Variants in GPI observed in about 807,000 individuals in gnomAD.
GPI encodes glucose-6-phosphate isomerase.
In GPI, 56 loss-of-function variants were observed where a neutral mutation model predicts 75.8. That is an observed-to-expected ratio of 0.74 (90% CI 0.60 to 0.92). The LOEUF (loss-of-function observed/expected upper bound fraction) is 0.92, where lower values mean the gene tolerates loss of function less well. Ranked by LOEUF, GPI falls within the 40% of genes least tolerant of loss-of-function variation. The probability of loss-of-function intolerance (pLI) is 0.00; values close to 1 mark genes in which losing one functional copy is unlikely to be tolerated. For missense variants in GPI, 638 were observed against 741.0 expected (o/e 0.86, Z 1.61); for synonymous variants, 288 against 285.4 (o/e 1.01, Z -0.09).
At chr19:34,365,659 T>C (rs1047985306) in intron 1 of GPI, 6 of 623,092 alleles carry the variant, frequency 9.6e-6, no homozygotes, top group Admixed American at 2.1e-5. Context: ...TTTCCCCTCC[T>C]CCTCCCCGTG....
At chr19:34,365,412 G>T (rs753635802) in intron 1 of GPI, 24 bp downstream of exon 1, 1 of 1,553,572 alleles carries the variant, frequency 6.4e-7, no homozygotes, top group Non-Finnish European at 8.7e-7. Context: ...GGAGGCGGGG[G>T]CTGCCACGCG....
chr19:34,398,526 G>A (rs1011061688), intron 14 of GPI: 2 of 152,052 alleles, frequency 1.3e-5, no homozygotes, highest in Non-Finnish European at 2.9e-5. Flanking sequence ...CCCGGCTGGA[G>A]TGCAGTAGTG....
chr19:34,384,991 G>A (rs1294485455), intron 9 of GPI, among the ~76,000 whole-genome samples: 2 of 149,956 alleles, frequency 1.3e-5, no homozygotes, highest in Admixed American at 6.7e-5. Flanking sequence ...AGCCAAGATG[G>A]TGCTACTGCA....
At chr19:34,395,554 A>G (rs2074931630) in intron 12 of GPI, among the ~76,000 whole-genome samples, 1 of 152,132 alleles carries the variant, frequency 6.6e-6, no homozygotes, top group Non-Finnish European at 1.5e-5. Flanking sequence ...TGGGAAAAAA[A>G]GAAGCTGTGC....
intron 8 of GPI, chr19:34,380,969 C>G (rs1288931057): frequency 3.8e-6 from 1 of 266,650 alleles, no homozygotes; most frequent in African/African-American, 2.2e-5. Flanking sequence ...ACCAGAATAC[C>G]TGATGGCTCC....
At chr19:34,368,763 G>A in intron 4 of GPI, 61 bp downstream of exon 4, 1 of 1,594,256 alleles carries the variant, frequency 6.3e-7, no homozygotes, top group Non-Finnish European at 8.6e-7. Flanking sequence ...TGGGAATCTG[G>A]GAGCCCTAAG....
Position 34,400,525 on chromosome 19 carries a change from G to T in GPI, c.*489G>T. The T allele has an allele frequency of 2.1e-6, 1 of 469,386 alleles. No individual in the cohort carries two copies. The highest frequency in any genetic ancestry group is 3.8e-5 in the Admixed American group (1 of 26,562). The allele number at this position is 469,386 out of a possible 1,614,324, so 29.1% of individuals were successfully genotyped here. A position where few individuals can be genotyped will look rare whatever the true frequency, so the allele number is the denominator to read the frequency against. ...CACAATCAGTCAGGACGGCAACTTG[G>T]CCTGTGTCACCAAATCCCAAGACTG... On this transcript the variant is annotated 3_prime_UTR_variant, in exon 18 of 18. Transcript: ENST00000356487.
intron 9 of GPI, among the ~76,000 whole-genome samples, chr19:34,386,382 G>A (rs531049244): frequency 6.6e-6 from 1 of 151,714 alleles, no homozygotes; most frequent in Non-Finnish European, 1.5e-5. Context: ...AGAACCCAGG[G>A]TCAAGCACAG....
At chr19:34,383,123 C>T (rs8191397) in intron 9 of GPI, among the ~76,000 whole-genome samples, 2,218 of 152,152 alleles carry the variant, frequency 0.015, 24 homozygotes, top group South Asian at 0.025. Flanking sequence ...GCCAGTTTTG[C>T]GGCAGCCATG....
At chr19:34,379,674 T>C in intron 8 of GPI, 112 bp downstream of exon 8, 1 of 925,108 alleles carries the variant, frequency 1.1e-6, no homozygotes, top group Non-Finnish European at 1.8e-6. Flanking sequence ...GCTTGGCTGA[T>C]GGTATGGAAG....
At chr19:34,380,227 C>T (rs888938429) in intron 8 of GPI, among the ~76,000 whole-genome samples, 1 of 151,818 alleles carries the variant, frequency 6.6e-6, no homozygotes, top group African/African-American at 2.4e-5. Context: ...GACTCCTGAC[C>T]TTAAGTGATC....
chr19:34,362,902 G>A (rs908606013), upstream of GPI, among the ~76,000 whole-genome samples: 2 of 152,190 alleles, frequency 1.3e-5, no homozygotes, highest in African/African-American at 2.4e-5. Context: ...ATGGATTCAG[G>A]CAGGGGTAGA....
chr19:34,366,755 A>T, intron 2 of GPI, 28 bp from the exon 3 acceptor site: 1 of 1,573,734 alleles, frequency 6.4e-7, no homozygotes, highest in South Asian at 1.1e-5. Flanking sequence ...TGTGGGTGGG[A>T]CCAGGCCTCA....
At chr19:34,376,731 T>C (rs2074542460) in intron 4 of GPI, among the ~76,000 whole-genome samples, 1 of 152,050 alleles carries the variant, frequency 6.6e-6, no homozygotes, top group Non-Finnish European at 1.5e-5. Flanking sequence ...CCACCCTGCC[T>C]GGCCCCTAAG....
intron 4 of GPI, among the ~76,000 whole-genome samples, chr19:34,374,307 C>T (rs1048897753): frequency 6.6e-6 from 1 of 151,964 alleles, no homozygotes; most frequent in Non-Finnish European, 1.5e-5. Context: ...CTATAATACC[C>T]CGTTGGTGTT....
At chr19:34,379,397 T>C (rs1040754883) in intron 7 of GPI, 121 bp from the exon 8 acceptor site, 7 of 911,778 alleles carry the variant, frequency 7.7e-6, no homozygotes, top group African/African-American at 1.6e-5. Context: ...TCTCCAACAG[T>C]CTCAGAACCA....
chr19:34,371,769 C>G (rs2074456514), intron 4 of GPI, among the ~76,000 whole-genome samples: 1 of 150,776 alleles, frequency 6.6e-6, no homozygotes, highest in Non-Finnish European at 1.5e-5. Context: ...GCAGGAGAAT[C>G]ACTTGAACCC....
upstream of GPI, chr19:34,364,848 CTA>C (rs538976765): frequency 2.1e-4 from 173 of 813,232 alleles, no homozygotes; most frequent in African/African-American, 2.8e-3. Flanking sequence ...GGTGTTCGAT[CTA>C]TAGAGTTTTG....
At chr19:34,366,098 C>T in intron 1 of GPI, 1 of 685,734 alleles carries the variant, frequency 1.5e-6, no homozygotes, top group Non-Finnish European at 2.7e-6. Context: ...CCACTTCAGT[C>T]CGGGCTCCTC....
Sources: allele counts gnomAD v4.1 joint callset (sites outside exome capture counted in the v4.1 genomes callset), GRCh38; gene constraint gnomAD v4.1.1; transcripts MANE v1.5; gene names NCBI Gene and HGNC (gene_info 2026-07-23, HGNC 2026-07-21).